The following ZNF90 variants were observed in gnomAD, a reference collection of about 807,000 sequenced individuals.
The protein encoded by ZNF90 is zinc finger protein HTF9.
A neutral mutation model predicts 12.0 loss-of-function variants in ZNF90; 11 were observed. The ratio of observed to expected loss-of-function variants is 0.92; its 90% CI spans 0.58 to 1.52. The LOEUF (loss-of-function observed/expected upper bound fraction) is 1.52. Ranked by LOEUF, ZNF90 falls within the 40% of genes most tolerant of loss-of-function variation. The pLI is 0.00. For synonymous variants in ZNF90, 232 were observed against 240.1 expected (o/e 0.97, Z 0.31); for missense variants, 765 against 711.5 (o/e 1.08, Z -0.86).
At chr19:20,117,075 T>G (rs2089144538) in intron 3 of ZNF90, among the ~76,000 whole-genome samples, 1 of 145,974 alleles carries the variant, frequency 6.9e-6, no homozygotes. Context: ...CAGAATGTCA[T>G]TCTGTTCCCT....
At chr19:20,111,927 C>T (rs2089092955) in intron 3 of ZNF90, among the ~76,000 whole-genome samples, 1 of 150,874 alleles carries the variant, frequency 6.6e-6, no homozygotes, top group Non-Finnish European at 1.5e-5. Context: ...GGCATGATCT[C>T]AGCTCACTGC....
Position 20,119,622 on chromosome 19 carries a change from C to CTTT in ZNF90, c.*275_*277dup, listed in dbSNP as rs375392718. 7.2e-5 allele frequency: 17 copies of CTTT among 234,840 alleles called. No individual in the cohort carries two copies. Among genetic ancestry groups the CTTT allele is most frequent in the South Asian group, 3.7e-4 (5 of 13,646 alleles). 14.5% of individuals were successfully genotyped at this position (234,840 alleles called of 1,614,324 possible). On this transcript the variant is annotated 3_prime_UTR_variant, in exon 4 of 4. Transcript: ENST00000418063. The stretch of plus-strand genomic sequence containing the variant: ...CAAAGCCTATAACAAGTTCTCAATT[C>CTTT]TTTTTTTTTTTTTTTAAGAAGGAGT...
chr19:20,114,515 G>C (rs1035724787), intron 3 of ZNF90, among the ~76,000 whole-genome samples: 1 of 152,102 alleles, frequency 6.6e-6, no homozygotes, highest in East Asian at 1.9e-4. Flanking sequence ...GGCTCATTTT[G>C]CATAATGTCA....
At chr19:20,105,385 G>C (rs886268123) in intron 3 of ZNF90, 69 bp downstream of exon 3, 3 of 1,276,460 alleles carry the variant, frequency 2.4e-6, no homozygotes, top group African/African-American at 3.1e-5. Flanking sequence ...AGAGAAAGCC[G>C]GTCCTTAAAA....
Position 20,118,372 on chromosome 19 carries a change from C to T in ZNF90, c.818C>T (p.Thr273Ile). ...GAATTAAAGTATTCCTCTACCCTTACTGCACATAAGAGAATTCATACTGGA... is the reference window on the plus strand; with the variant it reads ...GAATTAAAGTATTCCTCTACCCTTATTGCACATAAGAGAATTCATACTGGA... Reference protein sequence around the residue: ...GKELKYSSTLTAHKRIHTGEK... With the variant: ...GKELKYSSTLIAHKRIHTGEK... Residue 273 changes from threonine (T) to isoleucine (I), a missense_variant, in exon 4 of 4, where the codon ACT becomes ATT. Transcript: ENST00000418063. 1 of 1,589,736 alleles carries T rather than the reference C, an allele frequency of 6.3e-7. No individual in the cohort carries two copies.
At chr19:20,101,276 C>T (rs2088988001) in intron 1 of ZNF90, among the ~76,000 whole-genome samples, 2 of 152,220 alleles carry the variant, frequency 1.3e-5, no homozygotes, top group Admixed American at 1.3e-4. Flanking sequence ...GGTTCTCTTC[C>T]ATGACCCACG....
At chr19:20,110,026 G>A (rs2089073237) in intron 3 of ZNF90, among the ~76,000 whole-genome samples, 1 of 152,090 alleles carries the variant, frequency 6.6e-6, no homozygotes, top group African/African-American at 2.4e-5. Flanking sequence ...TTTCATATAA[G>A]TGAAATCATA....
intron 1 of ZNF90, among the ~76,000 whole-genome samples, chr19:20,086,128 CTG>C (rs1183496724): frequency 6.6e-6 from 1 of 151,694 alleles, no homozygotes; most frequent in Admixed American, 6.6e-5. Flanking sequence ...ACAGTGCAGT[CTG>C]TAGTTGTACC....
At chr19:20,082,946 A>G (rs187269435) in intron 1 of ZNF90, among the ~76,000 whole-genome samples, 28 of 152,286 alleles carry the variant, frequency 1.8e-4, no homozygotes, top group African/African-American at 6.3e-4. Context: ...GCTGGTGGCA[A>G]TACTGCTCTT....
At chr19:20,110,646 A>G (rs546671457) in intron 3 of ZNF90, among the ~76,000 whole-genome samples, 2 of 152,134 alleles carry the variant, frequency 1.3e-5, no homozygotes, top group South Asian at 2.1e-4. Context: ...TTTGTTTTCC[A>G]CCAACGTTTA....
Position 20,120,225 on chromosome 19 carries a change from C to T in ZNF90, c.*865C>T, listed in dbSNP as rs1245664090. ...AAAAAATATGGAAAACCCATTAATG[C>T]CTACTCACATCTTACCCAACAGAAG... On this transcript the variant is annotated 3_prime_UTR_variant, in exon 4 of 4. Transcript: ENST00000418063. 3.9e-5 allele frequency among the ~76,000 whole-genome samples: 6 copies of T among 152,136 alleles called. No individual in the cohort carries two copies. Among genetic ancestry groups the T allele is most frequent in the Non-Finnish European group, 7.4e-5 (5 of 68,024 alleles).
intron 3 of ZNF90, among the ~76,000 whole-genome samples, chr19:20,109,871 T>G (rs2089072026): frequency 6.6e-6 from 1 of 152,164 alleles, no homozygotes; most frequent in Admixed American, 6.5e-5. Flanking sequence ...TTCAGGCATG[T>G]TGTTATGCAA....
At chr19:20,085,235 T>C (rs2088849233) in intron 1 of ZNF90, among the ~76,000 whole-genome samples, 1 of 150,382 alleles carries the variant, frequency 6.6e-6, no homozygotes, top group Non-Finnish European at 1.5e-5. Context: ...GAGGGTGGCA[T>C]TATTTCTGGC....
At chr19:20,110,330 G>A (rs1317769449) in intron 3 of ZNF90, among the ~76,000 whole-genome samples, 1 of 152,082 alleles carries the variant, frequency 6.6e-6, no homozygotes, top group Non-Finnish European at 1.5e-5. Context: ...CCAGGCTGGA[G>A]TGCAGTGGTG....
intron 1 of ZNF90, among the ~76,000 whole-genome samples, chr19:20,092,100 C>A (rs2088907125): frequency 6.6e-6 from 1 of 152,024 alleles, no homozygotes; most frequent in Non-Finnish European, 1.5e-5. Context: ...GGTGTGGTAT[C>A]CGGAATAATG....
chr19:20,082,059 T>C (rs538231749), intron 1 of ZNF90, among the ~76,000 whole-genome samples: 2 of 152,188 alleles, frequency 1.3e-5, no homozygotes, highest in South Asian at 4.2e-4. Context: ...CCACCGCGCC[T>C]GGCCTGTTTT....
chr19:20,118,684 C>A lies in ZNF90; in HGVS notation c.1130C>A (p.Ala377Glu). Residue 377 changes from alanine to glutamate, a missense_variant, in exon 4 of 4, where the codon GCA (alanine) becomes GAA (glutamate). By Grantham distance (107) the Ala-to-Glu change is moderately radical (BLOSUM62 -1). Transcript: ENST00000418063. ...TACAAGTGTGATAAATGTGGCAAAG[C>A]ATTTATTTCATCCTCACTCCTTTAT... Reference protein sequence around the residue: ...KPYKCDKCGKAFISSSLLYKH... With the variant: ...KPYKCDKCGKEFISSSLLYKH... 6.4e-7 allele frequency: 1 copy of A among 1,566,498 alleles called. No individual in the cohort carries two copies. The highest frequency in any genetic ancestry group is 8.6e-7 in the Non-Finnish European group (1 of 1,156,616).
At position 20,118,769 on chromosome 19, in the gene ZNF90, C is replaced by G. The variant is rs2089168117; in HGVS notation, c.1215C>G (p.Ala405=). ...ACAAATGTGAAGAATGTGGCAAAGCCTTCAAGCGCTCCTCAACACTTACTA... is the reference window on the plus strand; with the variant it reads ...ACAAATGTGAAGAATGTGGCAAAGCGTTCAAGCGCTCCTCAACACTTACTA... ...KPYKCEECGK[A]FKRSSTLTIH... The change falls in exon 4 of 4, where the codon GCC becomes GCG. Residue 405 remains alanine, a synonymous_variant. Coordinates refer to ENST00000418063, the MANE Select transcript of ZNF90 (RefSeq NM_007138.2). The G allele has an allele frequency of 3.7e-6, 6 of 1,607,542 alleles. No individual in the cohort carries two copies. Among genetic ancestry groups the G allele is most frequent in the Non-Finnish European group, 5.1e-6 (6 of 1,177,050 alleles).
At chr19:20,100,274 A>C (rs1403639160) in intron 1 of ZNF90, among the ~76,000 whole-genome samples, 1 of 152,216 alleles carries the variant, frequency 6.6e-6, no homozygotes, top group Non-Finnish European at 1.5e-5. Flanking sequence ...TTAGGCATTG[A>C]TAGCACCCAT....
Sources: allele counts gnomAD v4.1 joint callset (sites outside exome capture counted in the v4.1 genomes callset), GRCh38; gene constraint gnomAD v4.1.1; transcripts MANE v1.5; gene names NCBI Gene and HGNC (gene_info 2026-07-23, HGNC 2026-07-21).